The following PSAP variants were observed in gnomAD, a reference collection of about 807,000 sequenced individuals.
The protein encoded by PSAP is prosaposin.
PSAP carries 25 observed loss-of-function variants against 66.0 expected under a neutral mutation model. The ratio of observed to expected loss-of-function variants is 0.38; its 90% CI spans 0.28 to 0.53. The LOEUF is 0.53. PSAP is among the 20% of genes least tolerant of loss of function. PSAP has a pLI of 0.83. For missense variants in PSAP, 649 were observed against 668.8 expected (o/e 0.97, Z 0.33); for synonymous variants, 273 against 258.9 (o/e 1.05, Z -0.52).
At chr10:71,845,793 T>A (rs540720458) in intron 1 of PSAP, among the ~76,000 whole-genome samples, 3 of 152,200 alleles carry the variant, frequency 2.0e-5, no homozygotes, top group Non-Finnish European at 1.5e-5. Context: ...TCTGATCTGC[T>A]GGGCTGCTCT....
chr10:71,818,138 C>A (rs1040567962), intron 13 of PSAP, among the ~76,000 whole-genome samples: 1 of 152,266 alleles, frequency 6.6e-6, no homozygotes, highest in African/African-American at 2.4e-5. Context: ...CAACTGGTGG[C>A]TGCCAGGCCA....
intron 5 of PSAP, 31 bp downstream of exon 5, chr10:71,828,846 T>C (rs760260987): frequency 6.2e-6 from 10 of 1,612,262 alleles, no homozygotes; most frequent in African/African-American, 2.7e-5. Context: ...CAACCAAAAA[T>C]GGGTCCTCAG....
At chr10:71,845,395 A>C (rs1434052079) in intron 1 of PSAP, among the ~76,000 whole-genome samples, 1 of 152,218 alleles carries the variant, frequency 6.6e-6, no homozygotes, top group Non-Finnish European at 1.5e-5. Flanking sequence ...ACACATGTTT[A>C]TGATAATCAC....
chr10:71,827,893 A>T (rs1842425223), intron 6 of PSAP, 121 bp downstream of exon 6: 3 of 1,348,780 alleles, frequency 2.2e-6, no homozygotes, highest in Non-Finnish European at 3.1e-6. Context: ...AGTCTGCACT[A>T]CCTATTCAAG....
rs929649779 is a variant in PSAP, at chr10:71,816,617, A to T, written c.*824T>A. 3.1e-5 allele frequency: 12 copies of T among 383,786 alleles called. No homozygotes were observed. The highest frequency in any genetic ancestry group is 6.0e-5 in the Non-Finnish European group (11 of 184,522). 23.8% of individuals were successfully genotyped at this position (383,786 alleles called of 1,614,324 possible). A position where few individuals can be genotyped will look rare whatever the true frequency, so the allele number is the denominator to read the frequency against. On this transcript the variant is annotated 3_prime_UTR_variant, in exon 14 of 14. Coordinates refer to ENST00000394936, the MANE Select transcript of PSAP (RefSeq NM_002778.4). Reference sequence around the variant, plus strand: ...GAGACAAGGGAGGGGTGCAGGCTGAAGCAGCGCCTCAACAGCCAGGGACAT... The same window carrying T: ...GAGACAAGGGAGGGGTGCAGGCTGATGCAGCGCCTCAACAGCCAGGGACAT...
chr10:71,827,683 C>T (rs563012699), intron 6 of PSAP, among the ~76,000 whole-genome samples: 10 of 149,498 alleles, frequency 6.7e-5, no homozygotes, highest in African/African-American at 1.5e-4. Flanking sequence ...GCTGAGATCA[C>T]GCCACTGCAC....
intron 2 of PSAP, 86 bp from the exon 3 acceptor site, chr10:71,832,006 A>C (rs994643949): frequency 7.7e-7 from 1 of 1,291,098 alleles, no homozygotes. Flanking sequence ...CCTTTTCGCT[A>C]TTCTCTCTAA....
At chr10:71,824,543 A>G (rs900912245) in intron 7 of PSAP, among the ~76,000 whole-genome samples, 10 of 152,248 alleles carry the variant, frequency 6.6e-5, no homozygotes, top group African/African-American at 1.9e-4. Context: ...CCAAAGGCAA[A>G]CCTGAAAACA....
chr10:71,849,975 C>T (rs1470321983), intron 1 of PSAP, among the ~76,000 whole-genome samples: 9 of 152,102 alleles, frequency 5.9e-5, no homozygotes. Flanking sequence ...ACCATAAACT[C>T]TCATCAGATG....
At chr10:71,836,698 A>C (rs1842634409) in intron 1 of PSAP, among the ~76,000 whole-genome samples, 1 of 152,156 alleles carries the variant, frequency 6.6e-6, no homozygotes, top group Admixed American at 6.5e-5. Context: ...AGCACCCCCG[A>C]TTCTTAAAAA....
intron 1 of PSAP, among the ~76,000 whole-genome samples, chr10:71,839,428 C>T (rs1377330032): frequency 6.6e-6 from 1 of 151,948 alleles, no homozygotes; most frequent in Non-Finnish European, 1.5e-5. Flanking sequence ...TTAGTAGAGA[C>T]AGGGTTTTGC....
intron 1 of PSAP, among the ~76,000 whole-genome samples, chr10:71,843,942 T>C (rs1397967881): frequency 6.6e-6 from 1 of 152,220 alleles, no homozygotes; most frequent in Non-Finnish European, 1.5e-5. Flanking sequence ...AGGAACTCAG[T>C]ATACTACCTT....
At chr10:71,818,235 G>A (rs941180856) in intron 13 of PSAP, among the ~76,000 whole-genome samples, 1 of 152,196 alleles carries the variant, frequency 6.6e-6, no homozygotes, top group Admixed American at 6.5e-5. Flanking sequence ...TTCAGCAAGG[G>A]CAAACATGTT....
rs1471792888 is a variant in PSAP, at chr10:71,822,021, A to AGAACAACCAG, written c.778-24_778-15dup. 3.1e-6 allele frequency: 5 copies of AGAACAACCAG among 1,614,120 alleles called. No homozygotes were observed. On this transcript the variant is annotated splice_polypyrimidine_tract_variant and intron_variant, in intron 7 of 13. Transcript: ENST00000394936. ...CTCCTTGGGTTGCTGAAGAGAGCAC[A>AGAACAACCAG]GAACAACCAGTCAGCAGCAAGCCTA...
intron 7 of PSAP, among the ~76,000 whole-genome samples, chr10:71,825,082 G>GTCGC (rs1185776757): frequency 2.0e-5 from 3 of 152,284 alleles, no homozygotes; most frequent in African/African-American, 7.2e-5. Context: ...CAAAACAGGC[G>GTCGC]TCGCTGTGTT....
chr10:71,823,906 A>C, intron 7 of PSAP: 2 of 1,296,580 alleles, frequency 1.5e-6, no homozygotes, highest in Non-Finnish European at 2.0e-6. Flanking sequence ...GCTGTTGAAC[A>C]AAAAAACAGG....
In PSAP at chr10:71,819,537, G is replaced by C; in HGVS notation, c.1278C>G (p.Asn426Lys). 1 of 1,614,204 alleles carries C rather than the reference G, an allele frequency of 6.2e-7. No homozygotes were observed. The highest frequency in any genetic ancestry group is 1.1e-5 in the South Asian group (1 of 91,084). Residue 426 changes from asparagine (N) to lysine (K), a missense_variant, in exon 11 of 14, where the codon AAC (asparagine) becomes AAG (lysine). Transcript: ENST00000394936. ...CAGCCAGGATCTCCTGCTTGGTGCT[G>C]TTTTTCTCCAGGTTGCGATCCAAAT... ...VGYLDRNLEK[N>K]STKQEILAAL...
intron 1 of PSAP, among the ~76,000 whole-genome samples, chr10:71,838,671 G>A (rs375827400): frequency 1.3e-5 from 2 of 152,130 alleles, no homozygotes; most frequent in Admixed American, 6.5e-5. Flanking sequence ...TGGGAGGATC[G>A]ATTGAGCCCA....
Position 71,818,668 on chromosome 10 carries a change from T to A in PSAP, c.1488A>T (p.Ile496=), listed in dbSNP as rs2133028731. ...HKPLLGTEKC[I]WGPSYWCQNT... ...TCTGGCACCAGTAGCTTGGGCCCCATATACACTTCTCAGTTCCCAACAAGG... is the reference window on the plus strand; with the variant it reads ...TCTGGCACCAGTAGCTTGGGCCCCAAATACACTTCTCAGTTCCCAACAAGG... Residue 496 remains isoleucine (I), a synonymous_variant, in exon 13 of 14, where the codon ATA becomes ATT. Coordinates refer to ENST00000394936, the MANE Select transcript of PSAP (RefSeq NM_002778.4). 6.2e-7 allele frequency: 1 copy of A among 1,614,118 alleles called. No individual in the cohort carries two copies. Among genetic ancestry groups the A allele is most frequent in the Admixed American group, 1.7e-5 (1 of 60,026 alleles).
Sources: allele counts gnomAD v4.1 joint callset (sites outside exome capture counted in the v4.1 genomes callset), GRCh38; gene constraint gnomAD v4.1.1; transcripts MANE v1.5; gene names NCBI Gene and HGNC (gene_info 2026-07-23, HGNC 2026-07-21).